Variants in RBFOX1 observed in about 807,000 individuals in gnomAD.
RBFOX1 encodes the protein RNA binding fox-1 homolog 1.
Under a neutral mutation model 57.7 loss-of-function variants are expected in RBFOX1, and 8 were observed. The observed-to-expected ratio is 0.14, with a 90% confidence interval of 0.08 to 0.25. The LOEUF is 0.25. RBFOX1 is among the 10% of genes least tolerant of loss of function. RBFOX1 has a pLI of 1.00. For synonymous variants in RBFOX1, 326 were observed against 222.4 expected, an observed-to-expected ratio of 1.47 and a Z score of -4.15; for missense variants, 611 against 548.5, an observed-to-expected ratio of 1.11 and a Z score of -1.14.
At position 6,019,395 on chromosome 16, in the gene RBFOX1, C is replaced by A; in HGVS notation, c.-724C>A. 3.0e-6 allele frequency: 3 copies of A among 986,158 alleles called. No individual in the cohort carries two copies. Among genetic ancestry groups the A allele is most frequent in the Non-Finnish European group, 3.6e-6 (3 of 830,570 alleles). The allele number at this position is 986,158 out of a possible 1,614,324, so 61.1% of individuals were successfully genotyped here. On this transcript the variant is annotated 5_prime_UTR_variant, in exon 1 of 16. Coordinates refer to ENST00000550418, the MANE Select transcript of RBFOX1 (RefSeq NM_018723.4). This position sits in a 1 kb window ranked among gnomAD's most constrained non-coding sequence, Gnocchi z 4.2. The stretch of plus-strand genomic sequence containing the variant: ...CGCTGCCCTGAAGTGGTTCTCCAAG[C>A]AGCGCGGAGGGTGGCGGACGGCGGA...
In RBFOX1 at chr16:5,746,950, G is replaced by T. The variant is rs1347928334; in HGVS notation, c.319-120353G>T. On this transcript the variant is annotated intron_variant, in intron 3 of 19. Transcript: ENST00000641259. ...CTTTATTTCCTTCTCCTGCCTAATT[G>T]CCCTGGCCAGAACTTCCAACACTAT... Among the ~76,000 whole-genome samples the T allele has an allele frequency of 3.3e-5, 5 of 152,142 alleles. No homozygotes were observed. The South Asian group carries it at 6.2e-4, about 19-fold the overall frequency.
chr16:5,382,847 A>C (rs566723232), intron 1 of RBFOX1, among the ~76,000 whole-genome samples: 2 of 152,336 alleles, frequency 1.3e-5, no homozygotes, highest in South Asian at 4.1e-4. Context: ...TATTGGAGAT[A>C]ATTTATGCCC....
intron 1 of RBFOX1, among the ~76,000 whole-genome samples, chr16:6,283,728 C>G (rs964766456): frequency 6.6e-6 from 1 of 152,144 alleles, no homozygotes; most frequent in African/African-American, 2.4e-5. Context: ...TGCACATACC[C>G]GCAGCTACTT....
At chr16:7,243,636 T>C (rs1195836905) in intron 4 of RBFOX1, among the ~76,000 whole-genome samples, 1 of 152,068 alleles carries the variant, frequency 6.6e-6, no homozygotes, top group African/African-American at 2.4e-5. Flanking sequence ...TAGCCTCAAA[T>C]TCTGGGGCTC....
chr16:6,225,443 A>G (rs1283894140), intron 1 of RBFOX1, among the ~76,000 whole-genome samples: 1 of 152,202 alleles, frequency 6.6e-6, no homozygotes, highest in East Asian at 1.9e-4. Flanking sequence ...CCTATCTGGA[A>G]TGTACATTTA....
At chr16:6,845,377 C>T (rs913429723) in intron 3 of RBFOX1, among the ~76,000 whole-genome samples, 3 of 151,724 alleles carry the variant, frequency 2.0e-5, no homozygotes, top group African/African-American at 7.3e-5. Context: ...GGAAGAGGTC[C>T]AGTTTCAATT....
chr16:6,562,237 C>G (rs988831909), intron 2 of RBFOX1, among the ~76,000 whole-genome samples: 2 of 152,304 alleles, frequency 1.3e-5, no homozygotes, highest in East Asian at 3.9e-4. Flanking sequence ...GTGATTTAAC[C>G]ACTTTAAGAC....
rs139217229 is a variant in RBFOX1, at chr16:6,146,005, T to G, written c.-127+126013T>G. Among the ~76,000 whole-genome samples the G allele has an allele frequency of 1.4e-4, 22 of 152,244 alleles. 1 individual carries two copies. The highest frequency in any genetic ancestry group is 5.1e-4 in the African/African-American group (21 of 41,546). Reference sequence around the variant, plus strand: ...AAGGCATTTATTTGCAAGGTAGCAGTGTGGAGGTTAAGATGATAATCTAAG... The same window carrying G: ...AAGGCATTTATTTGCAAGGTAGCAGGGTGGAGGTTAAGATGATAATCTAAG... On this transcript the variant is annotated intron_variant, in intron 1 of 15. Transcript: ENST00000550418.
intron 2 of RBFOX1, among the ~76,000 whole-genome samples, chr16:6,614,708 C>G (rs1057238676): frequency 6.6e-6 from 1 of 152,140 alleles, no homozygotes; most frequent in African/African-American, 2.4e-5. Context: ...GCTTATGGGT[C>G]TATCACTCCA....
chr16:6,816,585 C>G (rs751375157), intron 3 of RBFOX1, among the ~76,000 whole-genome samples: 31 of 151,634 alleles, frequency 2.0e-4, no homozygotes, highest in African/African-American at 7.3e-4. Flanking sequence ...ACTAAAAATA[C>G]AAAAATTAGC....
intron 4 of RBFOX1, among the ~76,000 whole-genome samples, chr16:5,992,054 A>G (rs2060409389): frequency 6.6e-6 from 1 of 152,214 alleles, no homozygotes; most frequent in South Asian, 2.1e-4. Flanking sequence ...TTATGGGCTG[A>G]GCTTTAATGT....
rs910519597 is a variant in RBFOX1 at position 7,711,597 on chromosome 16, ATTTT to A, written c.*856_*859del. On this transcript the variant is annotated 3_prime_UTR_variant, in exon 16 of 16. Transcript: ENST00000550418. ...AAGGTGATAAAAAAGCACTGTTTCTATTTTTTTCTTTTTTTCCAAAAAAAGAAAG... is the reference window on the plus strand; with the variant it reads ...AAGGTGATAAAAAAGCACTGTTTCTATTTCTTTTTTTCCAAAAAAAGAAAG... The A allele has an allele frequency of 6.6e-6, 1 of 152,452 alleles. No individual in the cohort carries two copies. The highest frequency in any genetic ancestry group is 1.9e-4 in the East Asian group (1 of 5,192). 9.4% of individuals were successfully genotyped at this position (152,452 alleles called of 1,614,324 possible). A position where few individuals can be genotyped will look rare whatever the true frequency, so the allele number is the denominator to read the frequency against.
chr16:7,157,038 G>A (rs2077292595), intron 4 of RBFOX1, among the ~76,000 whole-genome samples: 1 of 152,176 alleles, frequency 6.6e-6, no homozygotes. Flanking sequence ...AAATTTACAA[G>A]GAGCTCTCCT....
chr16:5,246,753 C>G (rs754064411), intron 1 of RBFOX1, among the ~76,000 whole-genome samples: 23 of 152,078 alleles, frequency 1.5e-4, no homozygotes, highest in Non-Finnish European at 2.8e-4. Flanking sequence ...TGACTGCAGC[C>G]TTGGCCTCCC....
intron 3 of RBFOX1, among the ~76,000 whole-genome samples, chr16:5,856,196 T>TATATATATATATATATATATATATAG (rs2057036080): frequency 1.5e-5 from 1 of 64,610 alleles, no homozygotes; most frequent in Non-Finnish European, 3.3e-5. Context: ...TCTATATATA[T>TATATATATATATATATATATATATAG]ATATATATAT....
chr16:6,144,342 C>T (rs540598683), intron 1 of RBFOX1, among the ~76,000 whole-genome samples: 2 of 151,996 alleles, frequency 1.3e-5, no homozygotes, highest in Admixed American at 1.3e-4. Flanking sequence ...TTTTGCTTAC[C>T]TCTTGGAGAT....
At chr16:6,287,908 A>G (rs1411469028) in intron 1 of RBFOX1, among the ~76,000 whole-genome samples, 1 of 152,166 alleles carries the variant, frequency 6.6e-6, no homozygotes, top group African/African-American at 2.4e-5. Flanking sequence ...TAGCTTACCC[A>G]TGCTTTCCTG....
intron 4 of RBFOX1, among the ~76,000 whole-genome samples, chr16:7,455,382 G>A (rs886850935): frequency 1.3e-5 from 2 of 152,054 alleles, no homozygotes; most frequent in Admixed American, 6.6e-5. Context: ...TGCATGATAG[G>A]TTTCTATCCA....
At chr16:7,151,889 C>G (rs1008066816) in intron 4 of RBFOX1, among the ~76,000 whole-genome samples, 1 of 152,060 alleles carries the variant, frequency 6.6e-6, no homozygotes, top group African/African-American at 2.4e-5. Flanking sequence ...ATGCTGCTGC[C>G]GATCTGACAG....
Sources: allele counts gnomAD v4.1 joint callset (sites outside exome capture counted in the v4.1 genomes callset), GRCh38; gene constraint gnomAD v4.1.1; non-coding constraint Gnocchi (gnomAD v3.1); transcripts MANE v1.5; gene names NCBI Gene and HGNC (gene_info 2026-07-23, HGNC 2026-07-21).